The following MOSMO variants were observed in gnomAD, a reference collection of about 807,000 sequenced individuals.
MOSMO encodes the protein modulator of smoothened.
Under a neutral mutation model 18.4 loss-of-function variants are expected in MOSMO, and 5 were observed. The observed-to-expected ratio is 0.27, with a 90% CI of 0.14 to 0.57. The LOEUF (loss-of-function observed/expected upper bound fraction) is 0.57, where lower values mean the gene tolerates loss of function less well. Among genes scored for constraint, MOSMO ranks in the 20% least tolerant of loss-of-function variants. The probability of loss-of-function intolerance (pLI) is 0.92; values close to 1 mark genes in which losing one functional copy is unlikely to be tolerated. For missense variants in MOSMO, 138 were observed against 211.8 expected (o/e 0.65, Z 2.16); for synonymous variants, 82 against 82.3 (o/e 1.00, Z 0.02).
At chr16:22,013,508 A>C (rs1246334931) in intron 1 of MOSMO, among the ~76,000 whole-genome samples, 1 of 152,120 alleles carries the variant, frequency 6.6e-6, no homozygotes, top group Non-Finnish European at 1.5e-5. Flanking sequence ...TCAGGGGGAA[A>C]AATTAGTGTT....
At chr16:22,012,892 G>A (rs1329690397) in intron 1 of MOSMO, among the ~76,000 whole-genome samples, 1 of 151,952 alleles carries the variant, frequency 6.6e-6, no homozygotes, top group East Asian at 1.9e-4. Context: ...ATTTTCACCT[G>A]TGTGATTAAC....
rs534030328 is a variant in MOSMO at position 22,021,885 on chromosome 16, T to A, written c.106+13478T>A. Among the ~76,000 whole-genome samples the A allele has an allele frequency of 3.9e-5, 6 of 152,244 alleles. No individual in the cohort carries two copies. In the South Asian group the frequency reaches 1.2e-3, roughly 32 times the overall value. ...TTTACCAGCTGAGGGGCTTTGAGCA[T>A]GTTTCTTGGCCTCGGAGCTATAGCT... On this transcript the variant is annotated intron_variant, in intron 1 of 2. Transcript: ENST00000542527.
At chr16:22,088,108 C>G (rs1449351227), downstream of MOSMO, among the ~76,000 whole-genome samples, 1 of 152,064 alleles carries the variant, frequency 6.6e-6, no homozygotes, top group South Asian at 2.1e-4. Context: ...TCCTCAGCCT[C>G]AAATTCCTGG....
chr16:22,067,415 T>C (rs1432020358), intron 1 of MOSMO, among the ~76,000 whole-genome samples: 1 of 152,200 alleles, frequency 6.6e-6, no homozygotes, highest in East Asian at 1.9e-4. Context: ...AGAAACATCA[T>C]AGTTGAAAGA....
In MOSMO at chr16:22,082,830, G is replaced by A. The variant is rs1418759571; in HGVS notation, c.*1950G>A. ...ACCACCACTGTGGTGCATTTCTTAA[G>A]TGTTCTGGGAGAATGTCATACTTTT... On this transcript the variant is annotated 3_prime_UTR_variant, in exon 3 of 3. Coordinates refer to ENST00000542527, the MANE Select transcript of MOSMO (RefSeq NM_001164579.2). 2 of 152,200 alleles carry A rather than the reference G, an allele frequency of 1.3e-5. No homozygotes were observed. The highest frequency in any genetic ancestry group is 4.8e-5 in the African/African-American group (2 of 41,442). 9.4% of individuals were successfully genotyped at this position (152,200 alleles called of 1,614,324 possible).
chr16:22,047,911 A>G (rs1172110078), intron 1 of MOSMO, among the ~76,000 whole-genome samples: 2 of 152,238 alleles, frequency 1.3e-5, no homozygotes, highest in Non-Finnish European at 2.9e-5. Flanking sequence ...AAGATTGCCT[A>G]TTAGAAGGAT....
intron 1 of MOSMO, among the ~76,000 whole-genome samples, chr16:22,011,907 T>C (rs1430654218): frequency 1.4e-5 from 2 of 141,632 alleles, no homozygotes; most frequent in African/African-American, 5.2e-5. Flanking sequence ...CAGTCTCACC[T>C]GAGCAGGCAG....
At chr16:22,069,764 G>A (rs1042453735) in intron 1 of MOSMO, among the ~76,000 whole-genome samples, 20 of 152,158 alleles carry the variant, frequency 1.3e-4, no homozygotes, top group Admixed American at 1.1e-3. Context: ...GGCAGCAGAG[G>A]AGGAGGAAAT....
chr16:22,010,918 C>T (rs772201077), intron 1 of MOSMO, among the ~76,000 whole-genome samples: 2 of 145,750 alleles, frequency 1.4e-5, no homozygotes, highest in Non-Finnish European at 3.0e-5. Context: ...GGTACTCCGT[C>T]TTAAAAAGAA....
chr16:22,075,764 G>C, intron 2 of MOSMO, 65 bp downstream of exon 2: 4 of 1,190,944 alleles, frequency 3.4e-6, no homozygotes, highest in Non-Finnish European at 4.8e-6. Flanking sequence ...TTTTTATGAA[G>C]ATAATCAAGA....
At chr16:22,085,165 T>C (rs1901148080), downstream of MOSMO, 1 of 152,214 alleles carries the variant, frequency 6.6e-6, no homozygotes, top group South Asian at 2.1e-4. Flanking sequence ...TCTGGGGGTG[T>C]CAAGATTAGC....
chr16:22,046,273 T>C (rs2141737689), intron 1 of MOSMO, among the ~76,000 whole-genome samples: 1 of 152,308 alleles, frequency 6.6e-6, no homozygotes, highest in African/African-American at 2.4e-5. Context: ...ACTTTAGTAA[T>C]ACAGTCGATT....
At chr16:22,063,126 T>C (rs1900682337) in intron 1 of MOSMO, among the ~76,000 whole-genome samples, 1 of 152,236 alleles carries the variant, frequency 6.6e-6, no homozygotes. Context: ...AGTGCTGGGA[T>C]TACAGGCGTG....
chr16:22,071,001 G>A (rs937623732), intron 1 of MOSMO, among the ~76,000 whole-genome samples: 1 of 152,106 alleles, frequency 6.6e-6, no homozygotes, highest in African/African-American at 2.4e-5. Flanking sequence ...AGTTCAATTG[G>A]GATACTACCC....
chr16:22,031,242 A>G (rs1899987159), intron 1 of MOSMO, among the ~76,000 whole-genome samples: 1 of 152,322 alleles, frequency 6.6e-6, no homozygotes, highest in South Asian at 2.1e-4. Flanking sequence ...GGGTCCTGGA[A>G]GCTCAGTGTA....
chr16:22,010,746 C>T (rs1428096045), intron 1 of MOSMO, among the ~76,000 whole-genome samples: 1 of 151,688 alleles, frequency 6.6e-6, no homozygotes, highest in East Asian at 1.9e-4. Flanking sequence ...TGATGAAACC[C>T]TGTCTCTACT....
intron 1 of MOSMO, among the ~76,000 whole-genome samples, chr16:22,042,773 G>A (rs542020838): frequency 5.3e-4 from 80 of 152,322 alleles, no homozygotes; most frequent in African/African-American, 1.9e-3. Context: ...AAAAACGGGA[G>A]TCCGTTCAGA....
intron 1 of MOSMO, among the ~76,000 whole-genome samples, chr16:22,070,714 T>A (rs1900831734): frequency 6.6e-6 from 1 of 152,176 alleles, no homozygotes; most frequent in South Asian, 2.1e-4. Context: ...TAAAATACAA[T>A]TTAGAAATCA....
Position 22,082,910 on chromosome 16 carries a change from C to G in MOSMO, c.*2030C>G, listed in dbSNP as rs1598029639. 6.6e-6 allele frequency: 1 copy of G among 152,170 alleles called. No homozygotes were observed. Among genetic ancestry groups the G allele is most frequent in the East Asian group, 1.9e-4 (1 of 5,164 alleles). 9.4% of individuals were successfully genotyped at this position (152,170 alleles called of 1,614,324 possible). On this transcript the variant is annotated 3_prime_UTR_variant, in exon 3 of 3. Transcript: ENST00000542527. ...GATCCTGAGGGAGACTGTTTCTCCC[C>G]AAGTATGATGATGTCTAGTCAAGTC...
Sources: allele counts gnomAD v4.1 joint callset (sites outside exome capture counted in the v4.1 genomes callset), GRCh38; gene constraint gnomAD v4.1.1; transcripts MANE v1.5; gene names NCBI Gene and HGNC (gene_info 2026-07-23, HGNC 2026-07-21).